The following NAA11 variants were observed in gnomAD, a reference collection of about 807,000 sequenced individuals.
NAA11 encodes the protein N-alpha-acetyltransferase 11.
A neutral mutation model predicts 16.1 loss-of-function variants in NAA11; 15 were observed. That is an observed-to-expected ratio of 0.93 (90% CI 0.62 to 1.44). The LOEUF is 1.44. Ranked by LOEUF, NAA11 falls within the 40% of genes most tolerant of loss-of-function variation. The probability of loss-of-function intolerance (pLI) is 0.00; values close to 1 mark genes in which losing one functional copy is unlikely to be tolerated. For missense variants in NAA11, 298 were observed against 291.3 expected (o/e 1.02, Z -0.17); for synonymous variants, 122 against 112.4 (o/e 1.09, Z -0.54).
intron 2 of NAA11, among the ~76,000 whole-genome samples, chr4:79,279,532 A>G (rs1722739230): frequency 6.6e-6 from 1 of 152,122 alleles, no homozygotes; most frequent in Non-Finnish European, 1.5e-5. Context: ...AAACATAGTA[A>G]CTAAGATAAT....
At chr4:79,206,551 C>T in the NAA11 span, among the ~76,000 whole-genome samples, 1 of 152,078 alleles carries the variant, frequency 6.6e-6, no homozygotes, top group East Asian at 1.9e-4. Flanking sequence ...TATACTAGTC[C>T]AAATAAGCAT....
chr4:79,285,466 A>T (rs1404016021), intron 2 of NAA11, among the ~76,000 whole-genome samples: 2 of 152,130 alleles, frequency 1.3e-5, no homozygotes, highest in East Asian at 3.8e-4. Flanking sequence ...TAAGATATTC[A>T]CTTAACTTTC....
downstream of NAA11, chr4:79,225,639 A>T (rs186660037): frequency 1.1e-4 from 17 of 152,176 alleles, no homozygotes; most frequent in South Asian, 4.1e-4. Flanking sequence ...ATTTAATCTT[A>T]TGTCTGCCAC....
chr4:79,172,964 T>G, the NAA11 span, among the ~76,000 whole-genome samples: 78 of 152,286 alleles, frequency 5.1e-4, no homozygotes, highest in South Asian at 2.9e-3. Context: ...CCAGAACTGC[T>G]GTCTCCTGAC....
At chr4:79,313,028 C>G (rs991131510), downstream of NAA11, among the ~76,000 whole-genome samples, 1 of 152,170 alleles carries the variant, frequency 6.6e-6, no homozygotes, top group Non-Finnish European at 1.5e-5. Flanking sequence ...AATTCACCTT[C>G]TCCATATTTT....
chr4:79,325,076 G>A (rs1724218586), intron 1 of NAA11, 100 bp downstream of exon 1: 3 of 1,103,546 alleles, frequency 2.7e-6, no homozygotes, highest in Admixed American at 2.9e-5. Context: ...GTAAAATCTC[G>A]CAGGGCCAGA....
intron 2 of NAA11, among the ~76,000 whole-genome samples, chr4:79,266,927 A>G (rs1327800717): frequency 6.6e-6 from 1 of 152,198 alleles, no homozygotes; most frequent in East Asian, 1.9e-4. Flanking sequence ...TTTAAATAAC[A>G]TATTCCACCA....
At chr4:79,166,359 C>CT in the NAA11 span, among the ~76,000 whole-genome samples, 10 of 151,434 alleles carry the variant, frequency 6.6e-5, no homozygotes, top group South Asian at 6.3e-4. Flanking sequence ...AACAACTGAA[C>CT]TTTTTTTTAA....
chr4:79,196,429 A>G, the NAA11 span, among the ~76,000 whole-genome samples: 1 of 152,168 alleles, frequency 6.6e-6, no homozygotes, highest in African/African-American at 2.4e-5. Flanking sequence ...AATTAGATGT[A>G]CTATATTCAC....
chr4:79,187,891 C>T, the NAA11 span, among the ~76,000 whole-genome samples: 3 of 148,886 alleles, frequency 2.0e-5, no homozygotes, highest in Non-Finnish European at 4.4e-5. Flanking sequence ...CCCAGCTACT[C>T]GGGAGGCTGA....
chr4:79,223,761 T>C (rs910948627), downstream of NAA11, among the ~76,000 whole-genome samples: 1 of 152,086 alleles, frequency 6.6e-6, no homozygotes, highest in African/African-American at 2.4e-5. Flanking sequence ...TAATTTTTTT[T>C]TTTTGCATGG....
intron 2 of NAA11, among the ~76,000 whole-genome samples, chr4:79,262,878 A>G (rs1722269777): frequency 6.6e-6 from 1 of 152,160 alleles, no homozygotes; most frequent in African/African-American, 2.4e-5. Flanking sequence ...GTCACCAAGT[A>G]TTTATTAAGT....
At chr4:79,170,907 T>A in the NAA11 span, among the ~76,000 whole-genome samples, 1 of 144,250 alleles carries the variant, frequency 6.9e-6, no homozygotes, top group African/African-American at 2.5e-5. Context: ...AAGTAATAGT[T>A]AAATGTTATA....
rs570816473 is a variant in NAA11 at position 79,281,513 on chromosome 4, T to C, written c.*122+12492A>G. On this transcript the variant is annotated intron_variant and NMD_transcript_variant, in intron 2 of 2. Transcript: ENST00000511542. The stretch of plus-strand genomic sequence containing the variant: ...CATGCACTGTTATATCTACTAGTGA[T>C]ACCACAGTGCACAAAGCAGACAAGT... 3.9e-5 allele frequency among the ~76,000 whole-genome samples: 6 copies of C among 152,176 alleles called. No individual in the cohort carries two copies. The South Asian group carries it at 1.2e-3, about 32-fold the overall frequency.
chr4:79,269,643 T>G (rs1459770391), intron 2 of NAA11, among the ~76,000 whole-genome samples: 14 of 148,514 alleles, frequency 9.4e-5, no homozygotes, highest in African/African-American at 3.2e-4. Context: ...TTTCTCCCAT[T>G]TTGTAGGTTG....
In NAA11 at chr4:79,325,180, A is replaced by AGCAT; in HGVS notation, c.*4_*7dup. ...GGGTCAGGGAAGACAGAATACCTTA[A>AGCAT]GCATGCTCTAGGAGGTGGAATCCGA... On this transcript the variant is annotated 3_prime_UTR_variant, in exon 1 of 2. Coordinates refer to ENST00000286794, the MANE Select transcript of NAA11 (RefSeq NM_032693.3). 6.3e-7 allele frequency: 1 copy of AGCAT among 1,596,592 alleles called. No homozygotes were observed. The highest frequency in any genetic ancestry group is 8.5e-7 in the Non-Finnish European group (1 of 1,170,790).
the NAA11 span, among the ~76,000 whole-genome samples, chr4:79,188,358 G>T: frequency 2.0e-5 from 3 of 152,180 alleles, no homozygotes; most frequent in Non-Finnish European, 2.9e-5. Context: ...GGCCGAGGCG[G>T]GTGGATCACG....
the NAA11 span, among the ~76,000 whole-genome samples, chr4:79,188,326 C>T: frequency 6.6e-6 from 1 of 152,148 alleles, no homozygotes; most frequent in African/African-American, 2.4e-5. Context: ...TGGCTCACGC[C>T]TGTAATCCCA....
At chr4:79,263,650 T>C (rs544513765) in intron 2 of NAA11, among the ~76,000 whole-genome samples, 72 of 152,312 alleles carry the variant, frequency 4.7e-4, no homozygotes, top group Middle Eastern at 3.4e-3. Context: ...TCTCCTTCCT[T>C]GCCTTCTTTC....
Sources: gnomAD v4.1 joint callset for allele counts (sites outside exome capture counted in the v4.1 genomes callset) on GRCh38, gnomAD v4.1.1 for gene constraint, MANE v1.5 for transcripts, NCBI Gene and HGNC (gene_info 2026-07-23, HGNC 2026-07-21) for gene names.